Variants in PHIP observed in about 807,000 individuals in gnomAD.
PHIP encodes the protein PH-interacting protein.
Under a neutral mutation model 236.8 loss-of-function variants are expected in PHIP, and 54 were observed. The ratio of observed to expected loss-of-function variants is 0.23; its 90% CI spans 0.18 to 0.29. The LOEUF (loss-of-function observed/expected upper bound fraction) is 0.29, where lower values mean the gene tolerates loss of function less well. Among genes scored for constraint, PHIP ranks in the 10% least tolerant of loss-of-function variants. The pLI is 1.00. For synonymous variants in PHIP, 756 were observed against 718.9 expected (o/e 1.05, Z -0.83); for missense variants, 1,370 against 2,190.8 (o/e 0.63, Z 7.48).
At chr6:78,973,597 G>C (rs1582142198) in intron 24 of PHIP, among the ~76,000 whole-genome samples, 2 of 95,724 alleles carry the variant, frequency 2.1e-5, no homozygotes, top group African/African-American at 8.3e-5. Flanking sequence ...TGGATAAACA[G>C]TCAAGACCCA....
intron 4 of PHIP, 112 bp downstream of exon 4, chr6:79,077,336 G>T: frequency 4.0e-6 from 4 of 1,007,144 alleles, no homozygotes; most frequent in East Asian, 2.8e-5. Context: ...CATGGCCTTT[G>T]GAGCTTTCAC....
intron 31 of PHIP, among the ~76,000 whole-genome samples, chr6:78,959,848 CA>C (rs748796862): frequency 1.6e-4 from 24 of 152,174 alleles, no homozygotes; most frequent in Non-Finnish European, 2.5e-4. Flanking sequence ...ACTGTAAATT[CA>C]AAATACCATT....
At chr6:79,030,220 A>C (rs1430411344) in intron 7 of PHIP, among the ~76,000 whole-genome samples, 3 of 152,190 alleles carry the variant, frequency 2.0e-5, no homozygotes, top group Admixed American at 6.5e-5. Flanking sequence ...AAAGTGAAGA[A>C]AGTTTGGAAA....
chr6:79,017,579 T>C lies in PHIP; in HGVS notation c.999A>G (p.Gly333=), dbSNP rs750258181. 6.2e-7 allele frequency: 1 copy of C among 1,607,898 alleles called. No individual in the cohort carries two copies. The highest frequency in any genetic ancestry group is 8.5e-7 in the Non-Finnish European group (1 of 1,174,962). Residue 333 remains glycine (G), a synonymous_variant, in exon 11 of 40, where the codon GGA becomes GGG. Coordinates refer to ENST00000275034, the MANE Select transcript of PHIP (RefSeq NM_017934.7). ...CTGTGCTTCCCGTCGCCAGAAACAT[T>C]CCACCTATGAAGAATAACAGCAATT... ...QMICSSFSAG[G]MFLATGSTDH...
chr6:78,951,320 C>G (rs1273748645), intron 35 of PHIP, among the ~76,000 whole-genome samples: 1 of 152,120 alleles, frequency 6.6e-6, no homozygotes, highest in African/African-American at 2.4e-5. Context: ...CTGCTCAATA[C>G]AATTCTGTTG....
chr6:78,953,112 G>C (rs1169454123), intron 35 of PHIP, among the ~76,000 whole-genome samples: 1 of 151,674 alleles, frequency 6.6e-6, no homozygotes, highest in Non-Finnish European at 1.5e-5. Flanking sequence ...TTCTACACAA[G>C]GGTGGTGCAA....
At chr6:78,991,027 C>T (rs200061416) in intron 19 of PHIP, 42 bp from the exon 20 acceptor site, 52 of 1,180,380 alleles carry the variant, frequency 4.4e-5, no homozygotes, top group Non-Finnish European at 6.0e-5. Flanking sequence ...GAATTTTACA[C>T]ATAACTTTCC....
Position 78,935,449 on chromosome 6 carries a change from CT to C in PHIP, c.*5243del. ...TGCAATAACCTTCTTTCCATCATTC[CT>C]TTTTTCCCAGAAATTGCACATTTTT... On this transcript the variant is annotated 3_prime_UTR_variant, in exon 40 of 40. Transcript: ENST00000275034. 3.2e-6 allele frequency: 3 copies of C among 950,286 alleles called. No homozygotes were observed. The highest frequency in any genetic ancestry group is 1.8e-5 in the African/African-American group (1 of 56,548). 58.9% of individuals were successfully genotyped at this position (950,286 alleles called of 1,614,324 possible).
In PHIP at chr6:78,946,501, A is replaced by T. The variant is rs1043237541; in HGVS notation, c.4370+210T>A. Reference sequence around the variant, plus strand: ...ATCACTATCCTAAAAATGCTGTTTTACTGTATAGATTTAGCAGTTTGAATT... The same window carrying T: ...ATCACTATCCTAAAAATGCTGTTTTTCTGTATAGATTTAGCAGTTTGAATT... On this transcript the variant is annotated intron_variant, in intron 37 of 39. Coordinates refer to ENST00000275034, the MANE Select transcript of PHIP (RefSeq NM_017934.7). 5.0e-6 allele frequency: 7 copies of T among 1,396,360 alleles called. No homozygotes were observed. In the South Asian group the frequency reaches 1.2e-4, roughly 24 times the overall value. 86.5% of individuals were successfully genotyped at this position (1,396,360 alleles called of 1,614,324 possible).
At chr6:78,953,190 TG>T (rs1766167948) in intron 35 of PHIP, among the ~76,000 whole-genome samples, 2 of 152,162 alleles carry the variant, frequency 1.3e-5, no homozygotes, top group Admixed American at 1.3e-4. Context: ...CTAGAACCAC[TG>T]GGGGAAACAT....
chr6:79,012,277 G>A (rs1481000929), intron 15 of PHIP, among the ~76,000 whole-genome samples: 1 of 151,602 alleles, frequency 6.6e-6, no homozygotes, highest in African/African-American at 2.4e-5. Flanking sequence ...ATAAAAACCA[G>A]TATTTAAGAA....
At chr6:79,039,829 T>C (rs542550106) in intron 7 of PHIP, among the ~76,000 whole-genome samples, 1 of 152,056 alleles carries the variant, frequency 6.6e-6, no homozygotes, top group Non-Finnish European at 1.5e-5. Context: ...GTAAAAAACA[T>C]TAAAAGGCTA....
rs1773393037 is a variant in PHIP at position 78,939,622 on chromosome 6, T to G, written c.*1071A>C. On this transcript the variant is annotated 3_prime_UTR_variant, in exon 40 of 40. Transcript: ENST00000275034. ...ATTTAATTATACCCATTTATCAATA[T>G]ATACACATACACACACAGACACGTT... The G allele has an allele frequency of 6.6e-6, 1 of 151,960 alleles. No homozygotes were observed. Among genetic ancestry groups the G allele is most frequent in the Non-Finnish European group, 1.5e-5 (1 of 67,826 alleles). The allele number at this position is 151,960 out of a possible 1,614,324, so 9.4% of individuals were successfully genotyped here. A position where few individuals can be genotyped will look rare whatever the true frequency, so the allele number is the denominator to read the frequency against.
chr6:78,960,125 GAAGTATGGTT>G (rs2127696722), intron 31 of PHIP, among the ~76,000 whole-genome samples: 2 of 152,250 alleles, frequency 1.3e-5, no homozygotes, highest in South Asian at 4.1e-4. Context: ...TTCAAAATTT[GAAGTATGGTT>G]TCTACTGAAT....
chr6:79,059,788 C>G (rs1010547502), intron 6 of PHIP, among the ~76,000 whole-genome samples: 4 of 151,468 alleles, frequency 2.6e-5, no homozygotes, highest in African/African-American at 9.7e-5. Flanking sequence ...CTTTGAAGGT[C>G]TCTGAAAATT....
chr6:79,060,402 T>A, intron 6 of PHIP, 76 bp downstream of exon 6: 1 of 939,664 alleles, frequency 1.1e-6, no homozygotes, highest in Non-Finnish European at 1.6e-6. Context: ...AATACCACAG[T>A]AACTAAAAAA....
chr6:79,063,628 G>C (rs1773490997), intron 4 of PHIP, among the ~76,000 whole-genome samples: 1 of 152,126 alleles, frequency 6.6e-6, no homozygotes, highest in South Asian at 2.1e-4. Context: ...TGTTGACCAG[G>C]CTGGTCTCGA....
intron 19 of PHIP, among the ~76,000 whole-genome samples, chr6:78,993,072 G>A (rs1769372624): frequency 1.3e-5 from 2 of 152,192 alleles, no homozygotes. Context: ...TACAGAAATA[G>A]TTTTTGCGGT....
intron 6 of PHIP, among the ~76,000 whole-genome samples, chr6:79,049,995 T>C (rs1772705951): frequency 6.6e-6 from 1 of 152,106 alleles, no homozygotes; most frequent in Non-Finnish European, 1.5e-5. Context: ...TTGCTAATCA[T>C]AATTTTCTAA....
Sources: allele counts gnomAD v4.1 joint callset (sites outside exome capture counted in the v4.1 genomes callset), GRCh38; gene constraint gnomAD v4.1.1; transcripts MANE v1.5; gene names NCBI Gene and HGNC (gene_info 2026-07-23, HGNC 2026-07-21).